The following CREB5 variants were observed in gnomAD, a reference collection of about 807,000 sequenced individuals.
CREB5 encodes the protein cAMP responsive element binding protein 5.
Under a neutral mutation model 57.1 loss-of-function variants are expected in CREB5, and 19 were observed. The observed-to-expected ratio is 0.33, with a 90% CI of 0.23 to 0.49. The LOEUF (loss-of-function observed/expected upper bound fraction) is 0.49, where lower values mean the gene tolerates loss of function less well. Among genes scored for constraint, CREB5 ranks in the 20% least tolerant of loss-of-function variants. The pLI, the probability that CREB5 is intolerant of heterozygous loss-of-function variation, is 0.99. For missense variants in CREB5, 579 were observed against 671.6 expected (o/e 0.86, Z 1.52); for synonymous variants, 238 against 238.3 (o/e 1.00, Z 0.01).
At chr7:28,776,066 A>G (rs370733917) in intron 7 of CREB5, among the ~76,000 whole-genome samples, 1 of 152,200 alleles carries the variant, frequency 6.6e-6, no homozygotes, top group African/African-American at 2.4e-5. Flanking sequence ...GGCTGGGCGC[A>G]GTGGCTCACG....
At chr7:28,814,796 A>T (rs1166238319) in intron 9 of CREB5, among the ~76,000 whole-genome samples, 2 of 152,120 alleles carry the variant, frequency 1.3e-5, no homozygotes, top group Admixed American at 6.5e-5. Flanking sequence ...TTCCTACTGG[A>T]TGCTGCCCCA....
At chr7:28,343,871 T>C (rs1785984310) in intron 1 of CREB5, among the ~76,000 whole-genome samples, 1 of 152,202 alleles carries the variant, frequency 6.6e-6, no homozygotes. Flanking sequence ...TTTGTTATCT[T>C]TTGTATTTTT....
chr7:28,376,812 A>G (rs1786840013), intron 1 of CREB5, among the ~76,000 whole-genome samples: 2 of 152,216 alleles, frequency 1.3e-5, no homozygotes, highest in Non-Finnish European at 2.9e-5. Flanking sequence ...TCCACAACAG[A>G]AGAAGCTGGG....
intron 5 of CREB5, among the ~76,000 whole-genome samples, chr7:28,645,449 G>A (rs1296669551): frequency 6.6e-6 from 1 of 152,166 alleles, no homozygotes; most frequent in Non-Finnish European, 1.5e-5. Flanking sequence ...AGGATACTGT[G>A]CCCAATAGGG....
intron 5 of CREB5, among the ~76,000 whole-genome samples, chr7:28,640,358 C>A (rs997823258): frequency 2.0e-5 from 3 of 152,114 alleles, no homozygotes; most frequent in Admixed American, 6.5e-5. Flanking sequence ...AACAAATGCC[C>A]AAAACACTAT....
intron 1 of CREB5, among the ~76,000 whole-genome samples, chr7:28,401,386 AT>A (rs143527974): frequency 0.11 from 16,274 of 149,034 alleles, 1,395 homozygotes; most frequent in African/African-American, 0.24. Flanking sequence ...GTCTATTGTT[AT>A]TTTTTTTTTA....
intron 1 of CREB5, among the ~76,000 whole-genome samples, chr7:28,382,362 TG>T (rs1197784916): frequency 6.6e-6 from 1 of 152,154 alleles, no homozygotes; most frequent in African/African-American, 2.4e-5. Flanking sequence ...CAAAACCATC[TG>T]GGTTTCACTT....
chr7:28,319,213 T>A (rs190558687), intron 1 of CREB5, among the ~76,000 whole-genome samples: 1 of 152,006 alleles, frequency 6.6e-6, no homozygotes, highest in East Asian at 1.9e-4. Flanking sequence ...CCATATTACA[T>A]GGCCTGTATA....
Position 28,421,692 on chromosome 7 carries a change from A to T in CREB5, c.3+8775A>T, listed in dbSNP as rs1232289536. Among the ~76,000 whole-genome samples the T allele has an allele frequency of 4.6e-5, 7 of 151,450 alleles. No homozygotes were observed. In the South Asian group the frequency reaches 1.3e-3, roughly 27 times the overall value. On this transcript the variant is annotated intron_variant, in intron 1 of 10. Transcript: ENST00000357727. ...GCTGTATCATTCCATTTGAAAATGC[A>T]TTTGACCTTATTTGAGCAGTTTTTA...
At chr7:28,791,050 C>T (rs1456498008) in intron 7 of CREB5, among the ~76,000 whole-genome samples, 3 of 152,168 alleles carry the variant, frequency 2.0e-5, no homozygotes, top group Non-Finnish European at 4.4e-5. Context: ...TTATCTACCA[C>T]ATCAAATCCA....
chr7:28,607,204 A>G (rs1318688079), intron 5 of CREB5, among the ~76,000 whole-genome samples: 5 of 152,254 alleles, frequency 3.3e-5, no homozygotes, highest in East Asian at 3.9e-4. Context: ...TTTTAGACCT[A>G]TTTTACAGAG....
At chr7:28,385,566 C>T (rs1207965523) in intron 1 of CREB5, among the ~76,000 whole-genome samples, 1 of 151,652 alleles carries the variant, frequency 6.6e-6, no homozygotes, top group African/African-American at 2.4e-5. Context: ...GTCCCAGCTA[C>T]TTGGGAGGCT....
chr7:28,491,048 G>A lies in CREB5; in HGVS notation c.75+2802G>A, dbSNP rs183543536. 673 of 224,126 alleles carry A rather than the reference G, an allele frequency of 3.0e-3. 6 individuals carry two copies. Among genetic ancestry groups the A allele is most frequent in the African/African-American group, 0.014 (600 of 42,902 alleles). 13.9% of individuals were successfully genotyped at this position (224,126 alleles called of 1,614,324 possible). ...GTGCTCGCCGGCAACCTATGAGAGG[G>A]GAACGGGGGCGGAGGCCAAACTGCA... On this transcript the variant is annotated intron_variant, in intron 2 of 10. Coordinates refer to ENST00000357727, the MANE Select transcript of CREB5 (RefSeq NM_182898.4).
chr7:28,458,542 T>C (rs190000617), intron 1 of CREB5, among the ~76,000 whole-genome samples: 96 of 152,336 alleles, frequency 6.3e-4, no homozygotes, highest in Non-Finnish European at 1.1e-3. Flanking sequence ...AGTTATGTAA[T>C]CGCAAATATA....
At chr7:28,558,913 T>G (rs930818211) in intron 4 of CREB5, among the ~76,000 whole-genome samples, 1 of 152,186 alleles carries the variant, frequency 6.6e-6, no homozygotes, top group Non-Finnish European at 1.5e-5. Flanking sequence ...GAGAGACATT[T>G]GTTTAGTAAT....
chr7:28,621,338 A>G (rs1287189000), intron 5 of CREB5, among the ~76,000 whole-genome samples: 6 of 152,218 alleles, frequency 3.9e-5, no homozygotes, highest in Admixed American at 2.6e-4. Flanking sequence ...TGAACAAGGG[A>G]AAGTATTTAC....
chr7:28,373,737 C>G (rs1361019672), intron 1 of CREB5, among the ~76,000 whole-genome samples: 1 of 151,882 alleles, frequency 6.6e-6, no homozygotes, highest in Non-Finnish European at 1.5e-5. Context: ...AAATTTTCCT[C>G]TTAATACTGT....
intron 5 of CREB5, among the ~76,000 whole-genome samples, chr7:28,688,418 T>C (rs1801063141): frequency 6.6e-6 from 1 of 152,220 alleles, no homozygotes; most frequent in African/African-American, 2.4e-5. Flanking sequence ...AGCAGAACAG[T>C]ATTTTCAATG....
intron 4 of CREB5, among the ~76,000 whole-genome samples, chr7:28,560,981 CGT>C (rs1325378799): frequency 0.031 from 691 of 22,350 alleles, 60 homozygotes; most frequent in Middle Eastern, 0.056. Context: ...TGCGTGTGTG[CGT>C]GCGTGTGTGT....
Sources: allele counts gnomAD v4.1 joint callset (sites outside exome capture counted in the v4.1 genomes callset), GRCh38; gene constraint gnomAD v4.1.1; transcripts MANE v1.5; gene names NCBI Gene and HGNC (gene_info 2026-07-23, HGNC 2026-07-21).